Variants in ARRB1 observed in about 807,000 individuals in gnomAD.
ARRB1 encodes the protein arrestin beta 1.
ARRB1 carries 21 observed loss-of-function variants against 56.8 expected under a neutral mutation model. The observed-to-expected ratio is 0.37, with a 90% CI of 0.26 to 0.53. The LOEUF is 0.53. ARRB1 is among the 20% of genes least tolerant of loss of function. The pLI is 0.88. For synonymous variants in ARRB1, 210 were observed against 218.6 expected (o/e 0.96, Z 0.35); for missense variants, 424 against 553.7 (o/e 0.77, Z 2.35).
In ARRB1 at chr11:75,272,870, TCTTGGGCTTGG is replaced by T. The variant is rs1447409577; in HGVS notation, c.998+14_998+24del. ...GGACGCTCCCCTCTGCACTCCGGGG[TCTTGGGCTTGG>T]CTGGAGCACTCACCCGCCCCGAGAC... On this transcript the variant is annotated intron_variant, in intron 12 of 15. Coordinates refer to ENST00000420843, the MANE Select transcript of ARRB1 (RefSeq NM_004041.5). 1 of 1,612,900 alleles carries T rather than the reference TCTTGGGCTTGG, an allele frequency of 6.2e-7. No homozygotes were observed. The highest frequency in any genetic ancestry group is 8.5e-7 in the Non-Finnish European group (1 of 1,179,384).
intron 1 of ARRB1, among the ~76,000 whole-genome samples, chr11:75,348,253 T>C (rs920189617): frequency 6.6e-6 from 1 of 152,164 alleles, no homozygotes; most frequent in Middle Eastern, 3.2e-3. Context: ...GCCAGAAATA[T>C]CATTCCCAAT....
intron 13 of ARRB1, among the ~76,000 whole-genome samples, chr11:75,270,234 A>AC (rs1946046556): frequency 6.6e-6 from 1 of 152,240 alleles, no homozygotes; most frequent in African/African-American, 2.4e-5. Context: ...TGATCCTAGC[A>AC]CTTTGGGAGG....
chr11:75,306,885 G>A (rs1947046373), intron 1 of ARRB1, among the ~76,000 whole-genome samples: 4 of 152,164 alleles, frequency 2.6e-5, no homozygotes, highest in South Asian at 4.1e-4. Context: ...GGATGGTGAC[G>A]GTCTCCCTAG....
intron 6 of ARRB1, 78 bp downstream of exon 6, chr11:75,281,884 C>T: frequency 6.9e-7 from 1 of 1,444,484 alleles, no homozygotes; most frequent in Non-Finnish European, 9.7e-7. Flanking sequence ...GTGTCCAGCA[C>T]CTCCCAGGGA....
At chr11:75,267,612 C>CCCCCCGGG in intron 15 of ARRB1, 40 bp downstream of exon 15, 1 of 1,353,060 alleles carries the variant, frequency 7.4e-7, no homozygotes. Context: ...CGCCCACCCG[C>CCCCCCGGG]GGCCCACCCC....
chr11:75,263,784 T>C lies in ARRB1; in HGVS notation c.*2379A>G, dbSNP rs1945851147. 6.6e-6 allele frequency among the ~76,000 whole-genome samples: 1 copy of C among 150,630 alleles called. No individual in the cohort carries two copies. The highest frequency in any genetic ancestry group is 1.5e-5 in the Non-Finnish European group (1 of 67,838). On this transcript the variant is annotated 3_prime_UTR_variant, in exon 16 of 16. Coordinates refer to ENST00000420843, the MANE Select transcript of ARRB1 (RefSeq NM_004041.5). Reference sequence around the variant, plus strand: ...TAGTGCTCTGATCCTTCCCTGCAGCTGGAGAAATTTGCTAAATAACACTGG... The same window carrying C: ...TAGTGCTCTGATCCTTCCCTGCAGCCGGAGAAATTTGCTAAATAACACTGG...
intron 1 of ARRB1, among the ~76,000 whole-genome samples, chr11:75,331,430 C>A (rs1369403684): frequency 6.6e-6 from 1 of 152,136 alleles, no homozygotes; most frequent in Non-Finnish European, 1.5e-5. Flanking sequence ...ACATCACAGC[C>A]CCCGTGACCT....
chr11:75,293,503 T>C (rs1377691551), intron 1 of ARRB1, among the ~76,000 whole-genome samples: 1 of 152,162 alleles, frequency 6.6e-6, no homozygotes, highest in Non-Finnish European at 1.5e-5. Flanking sequence ...GCTCTGCCTG[T>C]CAACTTTGAA....
intron 1 of ARRB1, among the ~76,000 whole-genome samples, chr11:75,297,864 C>CAAAAAAAAAA (rs34831668): frequency 5.5e-4 from 16 of 29,266 alleles, no homozygotes; most frequent in Admixed American, 1.3e-3. Context: ...GACTTTGTCT[C>CAAAAAAAAAA]AAAAAAAAAA....
At chr11:75,278,863 A>G in intron 7 of ARRB1, 119 bp from the exon 8 acceptor site, 1 of 1,382,742 alleles carries the variant, frequency 7.2e-7, no homozygotes, top group Non-Finnish European at 9.8e-7. Flanking sequence ...TCACCTTAGA[A>G]TCCAGCCAAA....
At chr11:75,278,588 T>C (rs769263591) in intron 8 of ARRB1, 21 bp downstream of exon 8, 13 of 1,613,696 alleles carry the variant, frequency 8.1e-6, no homozygotes, top group Non-Finnish European at 1.0e-5. Context: ...CCCCACCCCC[T>C]GCCAAGTCCG....
intron 1 of ARRB1, among the ~76,000 whole-genome samples, chr11:75,343,129 C>T (rs1947715971): frequency 6.6e-6 from 1 of 152,172 alleles, no homozygotes; most frequent in Non-Finnish European, 1.5e-5. Flanking sequence ...CCAGGGTGCT[C>T]TTGAAAAGTT....
intron 1 of ARRB1, among the ~76,000 whole-genome samples, chr11:75,316,099 A>C (rs921908403): frequency 6.6e-6 from 1 of 152,132 alleles, no homozygotes; most frequent in Non-Finnish European, 1.5e-5. Context: ...AGGCCGAGGC[A>C]GACAGATCAC....
At chr11:75,283,603 G>A (rs1035740688) in intron 4 of ARRB1, 120 bp from the exon 5 acceptor site, 24 of 980,674 alleles carry the variant, frequency 2.4e-5, no homozygotes, top group Non-Finnish European at 3.2e-5. Flanking sequence ...CCCAAGCTCT[G>A]TGGGGATGGC....
At chr11:75,334,366 C>T (rs970987380) in intron 1 of ARRB1, among the ~76,000 whole-genome samples, 43 of 151,948 alleles carry the variant, frequency 2.8e-4, no homozygotes, top group Middle Eastern at 3.4e-3. Context: ...CCAGGCAAGC[C>T]GTGCTCCACA....
chr11:75,267,529 T>C (rs1945952793), intron 15 of ARRB1, 123 bp downstream of exon 15: 2 of 980,752 alleles, frequency 2.0e-6, no homozygotes, highest in Non-Finnish European at 3.1e-6. Flanking sequence ...CAGAGGTGGC[T>C]CTCAGCAGAC....
At chr11:75,330,831 G>A (rs2140507114) in intron 1 of ARRB1, among the ~76,000 whole-genome samples, 1 of 152,260 alleles carries the variant, frequency 6.6e-6, no homozygotes, top group Middle Eastern at 3.4e-3. Flanking sequence ...AAGTGGCAGG[G>A]AACTTTCCCC....
At chr11:75,268,638 T>C (rs777705877) in intron 14 of ARRB1, among the ~76,000 whole-genome samples, 8 of 151,224 alleles carry the variant, frequency 5.3e-5, no homozygotes, top group Non-Finnish European at 1.0e-4. Context: ...GGGTGCAAGA[T>C]AGAGGCTCAA....
intron 13 of ARRB1, 45 bp downstream of exon 13, chr11:75,271,656 G>A (rs1366306183): frequency 1.9e-6 from 3 of 1,546,358 alleles, no homozygotes; most frequent in Non-Finnish European, 1.7e-6. Context: ...TGGGCTCCAG[G>A]CCCTCCAGGA....
Sources: gnomAD v4.1 joint callset for allele counts (sites outside exome capture counted in the v4.1 genomes callset) on GRCh38, gnomAD v4.1.1 for gene constraint, MANE v1.5 for transcripts, NCBI Gene and HGNC (gene_info 2026-07-23, HGNC 2026-07-21) for gene names.